Variants in BABAM2 observed in about 807,000 individuals in gnomAD.
BABAM2 encodes the protein BRISC and BRCA1-A complex member 2.
Under a neutral mutation model 54.7 loss-of-function variants are expected in BABAM2, and 31 were observed. That is an observed-to-expected ratio of 0.57 (90% confidence interval 0.43 to 0.77). BABAM2 has a LOEUF of 0.77. BABAM2 is among the 30% of genes least tolerant of loss of function. The pLI, the probability that BABAM2 is intolerant of heterozygous loss-of-function variation, is 0.00. For synonymous variants in BABAM2, 167 were observed against 162.9 expected, an observed-to-expected ratio of 1.03 and a Z score of -0.19; for missense variants, 364 against 455.8, an observed-to-expected ratio of 0.80 and a Z score of 1.83.
intron 6 of BABAM2, among the ~76,000 whole-genome samples, chr2:28,105,196 A>C (rs908937612): frequency 5.3e-5 from 8 of 152,146 alleles, no homozygotes; most frequent in Non-Finnish European, 1.2e-4. Flanking sequence ...AATAAAACAT[A>C]ATAATAATAA....
chr2:28,256,579 AT>A (rs1229052805), intron 10 of BABAM2, among the ~76,000 whole-genome samples: 2 of 151,848 alleles, frequency 1.3e-5, no homozygotes, highest in Non-Finnish European at 2.9e-5. Flanking sequence ...TTACTGAGGT[AT>A]TGGCTGAGTA....
At chr2:27,917,876 A>G (rs1413850893) in intron 2 of BABAM2, among the ~76,000 whole-genome samples, 1 of 152,186 alleles carries the variant, frequency 6.6e-6, no homozygotes, top group Admixed American at 6.5e-5. Flanking sequence ...CACCTGCCAT[A>G]CCTGAAAAAG....
intron 4 of BABAM2, among the ~76,000 whole-genome samples, chr2:28,015,574 C>A (rs1369047710): frequency 6.6e-6 from 1 of 152,134 alleles, no homozygotes; most frequent in East Asian, 1.9e-4. Context: ...AAGCAGCAGG[C>A]AGCATTTATG....
chr2:28,165,526 T>G (rs1475269850), intron 7 of BABAM2, among the ~76,000 whole-genome samples: 11 of 135,790 alleles, frequency 8.1e-5, no homozygotes, highest in Non-Finnish European at 1.7e-4. Context: ...TTTTTTTTCC[T>G]TGCTTTTTTT....
intron 7 of BABAM2, among the ~76,000 whole-genome samples, chr2:28,236,061 T>G (rs960543191): frequency 6.6e-6 from 1 of 152,142 alleles, no homozygotes; most frequent in Non-Finnish European, 1.5e-5. Flanking sequence ...TAATCCAACA[T>G]TATAAATAAA....
At chr2:28,250,595 G>GTTTTTT (rs1553350055) in intron 10 of BABAM2, among the ~76,000 whole-genome samples, 1 of 139,238 alleles carries the variant, frequency 7.2e-6, no homozygotes. Flanking sequence ...TTTTTTTTTT[G>GTTTTTT]TTTGTTTGTT....
upstream of BABAM2, chr2:27,890,132 G>C: frequency 1.3e-6 from 1 of 790,302 alleles, no homozygotes; most frequent in South Asian, 1.7e-5. The surrounding 1 kb of genome is among the most constrained non-coding windows in gnomAD (Gnocchi z 4.8). Context: ...AAAACCTGCA[G>C]CTCATACCCA....
intron 3 of BABAM2, among the ~76,000 whole-genome samples, chr2:27,949,548 A>G (rs1252955998): frequency 2.6e-5 from 4 of 152,066 alleles, no homozygotes; most frequent in African/African-American, 7.2e-5. Flanking sequence ...AAAAAAAAAA[A>G]AGAATCATAT....
intron 3 of BABAM2, chr2:27,930,439 G>A (rs1478889809): frequency 6.5e-6 from 1 of 153,270 alleles, no homozygotes; most frequent in Non-Finnish European, 1.5e-5. Context: ...CGGTCTACAA[G>A]GGCTAGATTG....
At chr2:27,999,314 T>C (rs1673400997) in intron 4 of BABAM2, among the ~76,000 whole-genome samples, 1 of 151,976 alleles carries the variant, frequency 6.6e-6, no homozygotes, top group South Asian at 2.1e-4. Flanking sequence ...GGGTTCTAGC[T>C]GACTCTTCAA....
At chr2:28,154,435 G>A (rs1023664893) in intron 7 of BABAM2, among the ~76,000 whole-genome samples, 1 of 152,186 alleles carries the variant, frequency 6.6e-6, no homozygotes, top group African/African-American at 2.4e-5. Flanking sequence ...GGGGAGTGGT[G>A]GTGGTAAGGT....
chr2:28,130,820 A>G (rs780731974), intron 7 of BABAM2, among the ~76,000 whole-genome samples: 22 of 151,420 alleles, frequency 1.5e-4, no homozygotes, highest in Admixed American at 3.9e-4. Context: ...GCTCACTGCA[A>G]CCTCCACCTT....
chr2:27,889,922 T>C (rs959474114), upstream of BABAM2: 8 of 263,408 alleles, frequency 3.0e-5, no homozygotes, highest in East Asian at 7.1e-5. Flanking sequence ...CAAAGTTCCC[T>C]GGCTCGTTTG....
chr2:28,159,406 A>G (rs541374492), intron 7 of BABAM2, among the ~76,000 whole-genome samples: 1 of 152,312 alleles, frequency 6.6e-6, no homozygotes, highest in African/African-American at 2.4e-5. Flanking sequence ...GGAGTCCAAG[A>G]AGGACTCAAA....
chr2:28,007,764 C>T (rs1255937531), intron 4 of BABAM2, among the ~76,000 whole-genome samples: 1 of 151,966 alleles, frequency 6.6e-6, no homozygotes, highest in African/African-American at 2.4e-5. Flanking sequence ...GAAATTATGT[C>T]TTAGAATGCT....
At chr2:27,992,371 TA>T (rs1672843458) in intron 4 of BABAM2, among the ~76,000 whole-genome samples, 1 of 152,190 alleles carries the variant, frequency 6.6e-6, no homozygotes, top group Non-Finnish European at 1.5e-5. Context: ...TCAAGAAGTC[TA>T]AATTTTATGG....
intron 6 of BABAM2, among the ~76,000 whole-genome samples, chr2:28,104,705 T>C (rs564731452): frequency 1.4e-4 from 22 of 152,250 alleles, no homozygotes; most frequent in Non-Finnish European, 2.5e-4. Context: ...ACCCAAAGGA[T>C]TATAAATCAT....
intron 7 of BABAM2, among the ~76,000 whole-genome samples, chr2:28,190,650 G>A (rs1225776950): frequency 1.3e-5 from 2 of 152,154 alleles, no homozygotes; most frequent in Non-Finnish European, 2.9e-5. Context: ...TGGCGCCATT[G>A]CACTCCAGCC....
intron 7 of BABAM2, among the ~76,000 whole-genome samples, chr2:28,158,228 CTAA>C (rs931893843): frequency 1.3e-5 from 2 of 151,936 alleles, no homozygotes; most frequent in African/African-American, 4.8e-5. Context: ...TCACCCTCAC[CTAA>C]TAATAAAAAA....
Sources: allele counts gnomAD v4.1 joint callset (sites outside exome capture counted in the v4.1 genomes callset), GRCh38; gene constraint gnomAD v4.1.1; non-coding constraint Gnocchi (gnomAD v3.1); transcripts MANE v1.5; gene names NCBI Gene and HGNC (gene_info 2026-07-23, HGNC 2026-07-21).